Variants in WDFY3 observed in about 807,000 individuals in gnomAD.
The protein encoded by WDFY3 is WD repeat and FYVE domain containing 3, also known as WD repeat and FYVE domain-containing protein 3.
WDFY3 carries 66 observed loss-of-function variants against 409.6 expected under a neutral mutation model. The ratio of observed to expected loss-of-function variants is 0.16; its 90% confidence interval spans 0.13 to 0.20. WDFY3 has a LOEUF of 0.20. Among genes scored for constraint, WDFY3 ranks in the 10% least tolerant of loss-of-function variants. The pLI is 1.00. For missense variants in WDFY3, 3,031 were observed against 4,298.1 expected (o/e 0.71, Z 8.24); for synonymous variants, 1,521 against 1,537.1 (o/e 0.99, Z 0.25).
chr4:84,731,987 G>A (rs2149161367), intron 44 of WDFY3, among the ~76,000 whole-genome samples: 1 of 152,092 alleles, frequency 6.6e-6, no homozygotes, highest in Non-Finnish European at 1.5e-5. Flanking sequence ...AGATTGTTAG[G>A]GAAAAAAGAT....
intron 30 of WDFY3, 71 bp downstream of exon 30, chr4:84,772,764 T>G (rs1744886960): frequency 2.4e-6 from 3 of 1,232,274 alleles, no homozygotes; most frequent in African/African-American, 1.5e-5. Flanking sequence ...TCAGGTCTAA[T>G]TTGGGCCAGA....
rs1725341793 is a variant in WDFY3, at chr4:84,670,858, G to A, written c.*2010C>T. 1 of 152,468 alleles carries A rather than the reference G, an allele frequency of 6.6e-6. No individual in the cohort carries two copies. The highest frequency in any genetic ancestry group is 1.5e-5 in the Non-Finnish European group (1 of 68,044). 9.4% of individuals were successfully genotyped at this position (152,468 alleles called of 1,614,324 possible). On this transcript the variant is annotated 3_prime_UTR_variant, in exon 68 of 68. Coordinates refer to ENST00000295888, the MANE Select transcript of WDFY3 (RefSeq NM_014991.6). ...AACATCAGCATTATTTATTAGAATT[G>A]AAGATGGTGATGGGGGAGGGAGAGT... is the stretch of plus-strand genomic sequence containing the variant.
rs943443891 is a variant in WDFY3 at position 84,678,998 on chromosome 4, G to C, written c.10068C>G (p.Thr3356=). ...FIFVNYSEGQ[T]RAHLQGPLSH... ...TAAGGGGGCCCTGCAGATGGGCTCT[G>C]GTCTGGCCCTCTGAATAGTTCACAA... The change falls in exon 65 of 68, where the codon ACC becomes ACG. Residue 3356 remains threonine, a synonymous_variant. Coordinates refer to ENST00000295888, the MANE Select transcript of WDFY3 (RefSeq NM_014991.6). The C allele has an allele frequency of 6.2e-7, 1 of 1,614,228 alleles. No individual in the cohort carries two copies. Among genetic ancestry groups the C allele is most frequent in the Non-Finnish European group, 8.5e-7 (1 of 1,180,036 alleles).
intron 44 of WDFY3, among the ~76,000 whole-genome samples, chr4:84,728,043 AAAAG>A (rs1265397850): frequency 6.6e-6 from 1 of 152,194 alleles, no homozygotes; most frequent in African/African-American, 2.4e-5. Context: ...CAACATTAAA[AAAAG>A]AAAGAAAAAA....
chr4:84,822,710 T>G (rs1436173300), intron 10 of WDFY3, among the ~76,000 whole-genome samples: 1 of 152,124 alleles, frequency 6.6e-6, no homozygotes, highest in Non-Finnish European at 1.5e-5. Context: ...CAATCCTGTC[T>G]GTAAAATAAA....
chr4:84,680,373 T>G (rs1393864437), intron 64 of WDFY3, among the ~76,000 whole-genome samples: 4 of 152,216 alleles, frequency 2.6e-5, no homozygotes, highest in Admixed American at 2.0e-4. Context: ...CACTGCAGCC[T>G]CAACCTCCTG....
intron 1 of WDFY3, among the ~76,000 whole-genome samples, chr4:84,949,068 G>A (rs1159131174): frequency 6.6e-6 from 1 of 152,062 alleles, no homozygotes; most frequent in African/African-American, 2.4e-5. Flanking sequence ...GTTAGTTAAG[G>A]TTAGATTGAC....
In WDFY3 at chr4:84,673,364, G is replaced by A. The variant is rs569246649; in HGVS notation, c.10458-373C>T. ...GGAGGTATGTCAATGTCTTTACCTGGAGCTTGACATATTTCTCTTGGAAAT... is the reference window on the plus strand; with the variant it reads ...GGAGGTATGTCAATGTCTTTACCTGAAGCTTGACATATTTCTCTTGGAAAT... On this transcript the variant is annotated intron_variant, in intron 67 of 67. Transcript: ENST00000295888. Among the ~76,000 whole-genome samples the A allele has an allele frequency of 9.1e-4, 139 of 152,186 alleles. 1 individual carries two copies. The highest frequency in any genetic ancestry group is 3.1e-3 in the African/African-American group (127 of 41,536).
chr4:84,942,245 T>C (rs541800428), intron 1 of WDFY3, among the ~76,000 whole-genome samples: 2 of 152,034 alleles, frequency 1.3e-5, no homozygotes, highest in South Asian at 2.1e-4. Flanking sequence ...CACAGTGTTA[T>C]AAAAATGAAA....
chr4:84,845,496 CT>C (rs1404375633), intron 5 of WDFY3, among the ~76,000 whole-genome samples: 1 of 152,068 alleles, frequency 6.6e-6, no homozygotes, highest in African/African-American at 2.4e-5. Flanking sequence ...CTCTAGAGAT[CT>C]GCTGTACAGC....
chr4:84,879,150 T>C (rs1476419810), intron 3 of WDFY3, among the ~76,000 whole-genome samples: 1 of 152,200 alleles, frequency 6.6e-6, no homozygotes, highest in Non-Finnish European at 1.5e-5. Flanking sequence ...CTGTATCTTC[T>C]GCCCTAGCCC....
At chr4:84,730,125 C>G (rs1736340746) in intron 44 of WDFY3, among the ~76,000 whole-genome samples, 1 of 152,090 alleles carries the variant, frequency 6.6e-6, no homozygotes, top group Admixed American at 6.5e-5. Flanking sequence ...CATTGAGTCC[C>G]TTTCAAAACC....
chr4:84,927,377 T>A (rs1770139418), intron 2 of WDFY3, among the ~76,000 whole-genome samples: 1 of 151,912 alleles, frequency 6.6e-6, no homozygotes, highest in African/African-American at 2.4e-5. Flanking sequence ...TAATGCCAAC[T>A]AGGTCAAATT....
At chr4:84,947,644 C>G (rs1280894342) in intron 1 of WDFY3, among the ~76,000 whole-genome samples, 1 of 143,950 alleles carries the variant, frequency 6.9e-6, no homozygotes, top group Non-Finnish European at 1.5e-5. Context: ...CCAAGGCAGT[C>G]AAGATCGCTT....
Position 84,721,581 on chromosome 4 carries a change from T to G in WDFY3, c.7442-9A>C, listed in dbSNP as rs751928333. On this transcript the variant is annotated splice_polypyrimidine_tract_variant and intron_variant, in intron 46 of 67. Coordinates refer to ENST00000295888, the MANE Select transcript of WDFY3 (RefSeq NM_014991.6). ...AGGAGGCTTGACCAAACCTACAGTA[T>G]AATAACCAAGAGGGCCATGTGGCAT... The G allele has an allele frequency of 1.2e-5, 19 of 1,602,456 alleles. No homozygotes were observed. Among genetic ancestry groups the G allele is most frequent in the Non-Finnish European group, 1.6e-5 (19 of 1,179,810 alleles).
intron 63 of WDFY3, 146 bp downstream of exon 63, chr4:84,683,797 G>A (rs1305784151): frequency 1.2e-5 from 9 of 723,302 alleles, no homozygotes; most frequent in Admixed American, 6.5e-5. Context: ...GTCTGATAAC[G>A]CAGAGGCCAA....
intron 10 of WDFY3, among the ~76,000 whole-genome samples, chr4:84,822,408 A>G (rs1165410413): frequency 6.6e-6 from 1 of 152,174 alleles, no homozygotes; most frequent in African/African-American, 2.4e-5. Flanking sequence ...AATGGAGCAG[A>G]AAGAACACTC....
At chr4:84,811,705 C>T (rs528394719) in intron 13 of WDFY3, among the ~76,000 whole-genome samples, 1 of 152,164 alleles carries the variant, frequency 6.6e-6, no homozygotes, top group South Asian at 2.1e-4. Context: ...GTCCAATCAT[C>T]GCATTTGAAA....
In WDFY3 at chr4:84,831,543, G is replaced by A. The variant is rs1024777134; in HGVS notation, c.639C>T (p.Leu213=). 1 of 1,614,050 alleles carries A rather than the reference G, an allele frequency of 6.2e-7. No homozygotes were observed. The highest frequency in any genetic ancestry group is 1.6e-4 in the Middle Eastern group (1 of 6,062). ...PAEELAQKDD[L]QLLFSAITSW... ...AGGTTATTGCACTGAATAGAAGCTG[G>A]AGATCATCTTTCTGAGCCAGCTCCT... The change falls in exon 8 of 68, where the codon CTC becomes CTT. Residue 213 remains leucine, a synonymous_variant. Transcript: ENST00000295888.
Sources: allele counts gnomAD v4.1 joint callset (sites outside exome capture counted in the v4.1 genomes callset), GRCh38; gene constraint gnomAD v4.1.1; transcripts MANE v1.5; gene names NCBI Gene and HGNC (gene_info 2026-07-23, HGNC 2026-07-21).